Variants in SLC25A48 observed in about 807,000 individuals in gnomAD.
SLC25A48 encodes the protein CTC-321K16.1.
A neutral mutation model predicts 32.2 loss-of-function variants in SLC25A48; 29 were observed. The observed-to-expected ratio is 0.90, with a 90% confidence interval of 0.67 to 1.23. The LOEUF is 1.23. Ranked by LOEUF, SLC25A48 falls within the 50% of genes most tolerant of loss-of-function variation. The pLI, the probability that SLC25A48 is intolerant of heterozygous loss-of-function variation, is 0.00. For missense variants in SLC25A48, 399 were observed against 422.7 expected (o/e 0.94, Z 0.49); for synonymous variants, 164 against 172.3 (o/e 0.95, Z 0.38).
rs192940484 is a variant in SLC25A48, at chr5:135,801,755, A to C, written c.-520-10768A>C. ...ATATCACAGGGTGTGTGCACCCCGC[A>C]GTGATATTGTACGTAATATGCAGGG... On this transcript the variant is annotated intron_variant, in intron 3 of 10. Coordinates refer to the SLC25A48 transcript ENST00000646290. 4.6e-5 allele frequency among the ~76,000 whole-genome samples: 7 copies of C among 151,756 alleles called. No individual in the cohort carries two copies. The East Asian group carries it at 1.4e-3, about 29-fold the overall frequency.
chr5:135,643,186 C>T lies in SLC25A48; in HGVS notation c.-521+8230C>T, dbSNP rs542057717. ...TTCTGAAGCAGGTTCTTTTTACAGA[C>T]ACAGCTGCTTGATTATGTTTTTGAG... On this transcript the variant is annotated intron_variant, in intron 3 of 10. Transcript: ENST00000646290. Among the ~76,000 whole-genome samples the T allele has an allele frequency of 3.3e-5, 5 of 152,326 alleles. No homozygotes were observed. In the South Asian group the frequency reaches 1.0e-3, roughly 32 times the overall value.
At chr5:135,836,582 A>G (rs1758529656) in intron 1 of SLC25A48, among the ~76,000 whole-genome samples, 1 of 152,068 alleles carries the variant, frequency 6.6e-6, no homozygotes, top group Non-Finnish European at 1.5e-5. Flanking sequence ...GTTTTAGAAC[A>G]TTTTCATCCC....
chr5:135,857,484 A>G (rs1263811350), intron 4 of SLC25A48, among the ~76,000 whole-genome samples: 1 of 152,150 alleles, frequency 6.6e-6, no homozygotes, highest in Non-Finnish European at 1.5e-5. Context: ...TTTAATATCC[A>G]CCATTACAGC....
At chr5:135,657,160 T>C (rs1023287897) in intron 3 of SLC25A48, among the ~76,000 whole-genome samples, 1 of 152,172 alleles carries the variant, frequency 6.6e-6, no homozygotes, top group Admixed American at 6.5e-5. Flanking sequence ...TTTTCTTCTA[T>C]TGACCAACCC....
chr5:135,716,366 C>T (rs4976323), intron 3 of SLC25A48, among the ~76,000 whole-genome samples: 64,490 of 151,942 alleles, frequency 0.42, 14,860 homozygotes, highest in Non-Finnish European at 0.52. Flanking sequence ...TTTTTATCAA[C>T]ACATTTATAT....
chr5:135,777,534 C>A (rs1561488215), intron 3 of SLC25A48, among the ~76,000 whole-genome samples: 1 of 151,572 alleles, frequency 6.6e-6, no homozygotes, highest in Admixed American at 6.6e-5. Flanking sequence ...GGTATACACA[C>A]TCCCTGTGAT....
chr5:135,882,411 C>A (rs1049082936), intron 7 of SLC25A48, among the ~76,000 whole-genome samples: 1 of 152,076 alleles, frequency 6.6e-6, no homozygotes, highest in Non-Finnish European at 1.5e-5. Context: ...ATTGTCTAGA[C>A]CCAGGACAGA....
At chr5:135,800,242 C>G (rs1003949435) in intron 3 of SLC25A48, among the ~76,000 whole-genome samples, 1 of 151,156 alleles carries the variant, frequency 6.6e-6, no homozygotes. Flanking sequence ...GATATTCTTC[C>G]TAATATCCAG....
At chr5:135,886,615 ATATATATATATAT>A in intron 7 of SLC25A48, among the ~76,000 whole-genome samples, 1 of 34,958 alleles carries the variant, frequency 2.9e-5, no homozygotes, top group African/African-American at 1.7e-4. Flanking sequence ...ATATATATAT[ATATATATATATAT>A]ATATATATAA....
intron 3 of SLC25A48, among the ~76,000 whole-genome samples, chr5:135,722,216 C>T (rs898801702): frequency 3.9e-5 from 6 of 152,212 alleles, no homozygotes; most frequent in Admixed American, 6.5e-5. Context: ...TCTCTTTCTT[C>T]GAAATCTCTC....
At chr5:135,673,017 A>G (rs938192756) in intron 3 of SLC25A48, among the ~76,000 whole-genome samples, 1 of 152,202 alleles carries the variant, frequency 6.6e-6, no homozygotes. Flanking sequence ...CTTTCAGCAT[A>G]ATTATTTTGA....
At chr5:135,603,078 G>T (rs1751839857) in intron 1 of SLC25A48, among the ~76,000 whole-genome samples, 1 of 152,170 alleles carries the variant, frequency 6.6e-6, no homozygotes, top group Non-Finnish European at 1.5e-5. Context: ...CTTTGGTGGG[G>T]TCTCCCCTGA....
At chr5:135,836,505 A>G (rs1168228325) in intron 1 of SLC25A48, among the ~76,000 whole-genome samples, 1 of 152,292 alleles carries the variant, frequency 6.6e-6, no homozygotes, top group East Asian at 1.9e-4. Context: ...AAATTCACCC[A>G]TTTCAAATGT....
chr5:135,863,895 G>A (rs150090113), intron 4 of SLC25A48, among the ~76,000 whole-genome samples: 219 of 152,270 alleles, frequency 1.4e-3, no homozygotes, highest in African/African-American at 4.8e-3. Flanking sequence ...AGGAAAAGGC[G>A]TTCATTTCCA....
intron 3 of SLC25A48, among the ~76,000 whole-genome samples, chr5:135,635,912 G>A (rs1561768628): frequency 6.6e-6 from 1 of 152,072 alleles, no homozygotes; most frequent in Admixed American, 6.5e-5. Flanking sequence ...CCTTTTTGAG[G>A]ACCAAAGTAA....
chr5:135,749,141 C>G (rs1176471384), intron 3 of SLC25A48, among the ~76,000 whole-genome samples: 1 of 152,096 alleles, frequency 6.6e-6, no homozygotes, highest in South Asian at 2.1e-4. Context: ...TCTTTTGTCT[C>G]TAGTCACACA....
intron 3 of SLC25A48, among the ~76,000 whole-genome samples, chr5:135,851,750 G>A (rs190488999): frequency 6.6e-6 from 1 of 152,272 alleles, no homozygotes; most frequent in Admixed American, 6.5e-5. Context: ...TTTGGCACGC[G>A]TGTGCTGCCC....
chr5:135,837,880 G>T (rs1663507023), intron 1 of SLC25A48, among the ~76,000 whole-genome samples: 1 of 152,206 alleles, frequency 6.6e-6, no homozygotes, highest in African/African-American at 2.4e-5. Context: ...CAGTAAGTTG[G>T]TACCAGTAGA....
intron 4 of SLC25A48, among the ~76,000 whole-genome samples, chr5:135,818,115 CTCT>C (rs1233016290): frequency 9.3e-6 from 1 of 107,230 alleles, no homozygotes; most frequent in African/African-American, 3.3e-5. Flanking sequence ...CTCTCTCTCT[CTCT>C]CCCTCTGTTT....
Sources: allele counts gnomAD v4.1 joint callset (sites outside exome capture counted in the v4.1 genomes callset), GRCh38; gene constraint gnomAD v4.1.1; transcripts MANE v1.5; gene names NCBI Gene and HGNC (gene_info 2026-07-23, HGNC 2026-07-21).